ADAMTS2: variants seen among roughly 807,000 people sequenced by gnomAD.
The protein encoded by ADAMTS2 is A disintegrin and metalloproteinase with thrombospondin motifs 2.
A neutral mutation model predicts 123.0 loss-of-function variants in ADAMTS2; 50 were observed. The ratio of observed to expected loss-of-function variants is 0.41; its 90% CI spans 0.32 to 0.51. The LOEUF (loss-of-function observed/expected upper bound fraction) is 0.51, where lower values mean the gene tolerates loss of function less well. Among genes scored for constraint, ADAMTS2 ranks in the 20% least tolerant of loss-of-function variants. The probability of loss-of-function intolerance (pLI) is 0.35; values close to 1 mark genes in which losing one functional copy is unlikely to be tolerated. For synonymous variants in ADAMTS2, 678 were observed against 695.4 expected, an observed-to-expected ratio of 0.98 and a Z score of 0.39; for missense variants, 1,494 against 1,705.2, an observed-to-expected ratio of 0.88 and a Z score of 2.18.
chr5:179,319,224 C>A (rs1757088462), intron 2 of ADAMTS2, among the ~76,000 whole-genome samples: 1 of 152,252 alleles, frequency 6.6e-6, no homozygotes. Flanking sequence ...ATATGTGCAT[C>A]TCCTGTGACA....
Position 179,125,174 on chromosome 5 carries a change from G to A in ADAMTS2, c.2757C>T (p.Val919=). The change falls in exon 19 of 22, where the codon GTC becomes GTT. Residue 919 remains valine (V), a synonymous_variant. Coordinates refer to ENST00000251582, the MANE Select transcript of ADAMTS2 (RefSeq NM_014244.5). ...GGCTACATGGCTCCCATTCGCCTGT[G>A]ACCCACCTGCCAGGGCAGAGCGGGG... ...NPQECSQPVW[V]TGEWEPCSQT... is the part of the protein sequence containing the mutation. 6.2e-7 allele frequency: 1 copy of A among 1,612,402 alleles called. No individual in the cohort carries two copies.
At position 179,117,978 on chromosome 5, in the gene ADAMTS2, C is replaced by T. The variant is rs370261297; in HGVS notation, c.3179-3654G>A. On this transcript the variant is annotated intron_variant, in intron 21 of 21. Transcript: ENST00000251582. This position sits in a 1 kb window ranked among gnomAD's most constrained non-coding sequence, Gnocchi z 4.2. The stretch of plus-strand genomic sequence containing the variant: ...GTTGACTGATCGTGGGTCAAGTGCA[C>T]GCCTAGGTCAGAGCCATGCACGAGA... 2.0e-5 allele frequency among the ~76,000 whole-genome samples: 3 copies of T among 152,262 alleles called. No individual in the cohort carries two copies. The highest frequency in any genetic ancestry group is 4.4e-5 in the Non-Finnish European group (3 of 68,018).
In ADAMTS2 at chr5:179,113,757, CT is replaced by C; in HGVS notation, c.*109del. ...TTCCCCCTCTTTGTTTTCTCAAAAC[CT>C]TTTGGAATCAGGAATTTTGACTTCA... On this transcript the variant is annotated 3_prime_UTR_variant, in exon 22 of 22. Transcript: ENST00000251582. 1.7e-6 allele frequency: 2 copies of C among 1,163,170 alleles called. No individual in the cohort carries two copies. Among genetic ancestry groups the C allele is most frequent in the Admixed American group, 1.9e-5 (1 of 53,130 alleles). 72.1% of individuals were successfully genotyped at this position (1,163,170 alleles called of 1,614,324 possible). A position where few individuals can be genotyped will look rare whatever the true frequency, so the allele number is the denominator to read the frequency against.
At chr5:179,177,054 A>G (rs1233907962) in intron 5 of ADAMTS2, among the ~76,000 whole-genome samples, 1 of 152,182 alleles carries the variant, frequency 6.6e-6, no homozygotes, top group African/African-American at 2.4e-5. Flanking sequence ...CCCTGGTACA[A>G]TTGTTTCCTT....
intron 10 of ADAMTS2, among the ~76,000 whole-genome samples, chr5:179,151,577 G>A (rs1200309682): frequency 6.6e-6 from 1 of 152,212 alleles, no homozygotes; most frequent in Non-Finnish European, 1.5e-5. Context: ...GCAAGTAACT[G>A]GCTGAGGAGT....
chr5:179,227,122 C>CAT (rs3084687), intron 3 of ADAMTS2, among the ~76,000 whole-genome samples: 106,693 of 151,868 alleles, frequency 0.7, 37,907 homozygotes, highest in East Asian at 0.99. Flanking sequence ...TGTGTGTACA[C>CAT]ATGTGTATAT....
intron 3 of ADAMTS2, among the ~76,000 whole-genome samples, chr5:179,263,829 C>T: frequency 6.6e-6 from 1 of 152,374 alleles, no homozygotes; most frequent in Admixed American, 6.5e-5. Flanking sequence ...ACTGCGCGAC[C>T]TTTCCCCGCT....
rs947624390 is a variant in ADAMTS2, at chr5:179,118,821, G to C, written c.3178+2840C>G. Among the ~76,000 whole-genome samples, 3 of 152,214 alleles carry C rather than the reference G, an allele frequency of 2.0e-5. No homozygotes were observed. The highest frequency in any genetic ancestry group is 7.2e-5 in the African/African-American group (3 of 41,442). On this transcript the variant is annotated intron_variant, in intron 21 of 21. Transcript: ENST00000251582. The surrounding 1 kb of genome is among the most constrained non-coding windows in gnomAD (Gnocchi z 4.5). ...ACAGGCTAAAGCTGGTAGCAAGTGA[G>C]GCTTTCTTCCTGAGGTCACCATAAA...
At chr5:179,343,267 A>G (rs979349625) in intron 2 of ADAMTS2, among the ~76,000 whole-genome samples, 6 of 152,236 alleles carry the variant, frequency 3.9e-5, no homozygotes, top group African/African-American at 1.4e-4. Flanking sequence ...TCACGCCAGT[A>G]TGCACAAGGA....
Position 179,312,113 on chromosome 5 carries a change from A to C in ADAMTS2, c.534+31654T>G, listed in dbSNP as rs574001759. On this transcript the variant is annotated intron_variant, in intron 2 of 21. Coordinates refer to ENST00000251582, the MANE Select transcript of ADAMTS2 (RefSeq NM_014244.5). The surrounding 1 kb of genome is among the most constrained non-coding windows in gnomAD (Gnocchi z 4.2). ...ACGACCATGGCAGTGGTCAGCTGAAAAATGGCCCCCGAAGACACGTCCGGG... is the reference window on the plus strand; with the variant it reads ...ACGACCATGGCAGTGGTCAGCTGAACAATGGCCCCCGAAGACACGTCCGGG... 6.6e-6 allele frequency among the ~76,000 whole-genome samples: 1 copy of C among 152,278 alleles called. No homozygotes were observed. Among genetic ancestry groups the C allele is most frequent in the Admixed American group, 6.5e-5 (1 of 15,300 alleles).
intron 2 of ADAMTS2, among the ~76,000 whole-genome samples, chr5:179,291,955 G>A (rs1024419899): frequency 6.6e-6 from 1 of 151,806 alleles, no homozygotes; most frequent in Admixed American, 6.6e-5. Flanking sequence ...TGTTGCCAGG[G>A]CTGATGTTGA....
intron 2 of ADAMTS2, among the ~76,000 whole-genome samples, chr5:179,340,123 T>C (rs985617867): frequency 2.0e-5 from 3 of 152,068 alleles, no homozygotes; most frequent in Admixed American, 1.3e-4. Context: ...GGTTGTGGGG[T>C]TCGCATCAAG....
intron 10 of ADAMTS2, among the ~76,000 whole-genome samples, chr5:179,146,285 TTC>T (rs1763248479): frequency 6.6e-6 from 1 of 152,206 alleles, no homozygotes; most frequent in South Asian, 2.1e-4. Flanking sequence ...TTGAGGGAAA[TTC>T]TTTCTTTTTA....
At chr5:179,292,788 C>T (rs1264644572) in intron 2 of ADAMTS2, among the ~76,000 whole-genome samples, 1 of 152,172 alleles carries the variant, frequency 6.6e-6, no homozygotes. Flanking sequence ...TCCCACCCCA[C>T]CCTGGAGTGC....
intron 2 of ADAMTS2, among the ~76,000 whole-genome samples, chr5:179,315,212 C>T (rs1373048184): frequency 1.5e-4 from 8 of 53,568 alleles, no homozygotes; most frequent in African/African-American, 1.4e-4. Context: ...CACGCGTCCA[C>T]GTCGCCATGG....
At chr5:179,161,530 G>C (rs35718962) in intron 5 of ADAMTS2, among the ~76,000 whole-genome samples, 43,996 of 152,072 alleles carry the variant, frequency 0.29, 6,715 homozygotes, top group African/African-American at 0.38. Context: ...TTCCTGGAGA[G>C]TGGGGGGCAG....
At chr5:179,259,038 T>C (rs1766143711) in intron 3 of ADAMTS2, among the ~76,000 whole-genome samples, 1 of 152,106 alleles carries the variant, frequency 6.6e-6, no homozygotes, top group Non-Finnish European at 1.5e-5. Context: ...GCCTCTTCCG[T>C]GCTCACCCTC....
chr5:179,245,765 CAAAAAAAAAAAAAAAA>C (rs1171837041), intron 3 of ADAMTS2, among the ~76,000 whole-genome samples: 1 of 17,200 alleles, frequency 5.8e-5, no homozygotes, highest in Admixed American at 1.2e-3. Flanking sequence ...GACTCCGTCT[CAAAAAAAAAAAAAAAA>C]AAAAAAAAAA....
chr5:179,186,324 G>A (rs1042890126), intron 4 of ADAMTS2, among the ~76,000 whole-genome samples: 1 of 152,168 alleles, frequency 6.6e-6, no homozygotes, highest in Non-Finnish European at 1.5e-5. Flanking sequence ...CCCACAGTCC[G>A]GGGCCGGGCT....
Sources: allele counts gnomAD v4.1 joint callset (sites outside exome capture counted in the v4.1 genomes callset), GRCh38; gene constraint gnomAD v4.1.1; non-coding constraint Gnocchi (gnomAD v3.1); transcripts MANE v1.5; gene names NCBI Gene and HGNC (gene_info 2026-07-23, HGNC 2026-07-21).